The following TMEM132D variants were observed in gnomAD, a reference collection of about 807,000 sequenced individuals.
TMEM132D encodes transmembrane protein 132D, also known as mature OL transmembrane protein.
A neutral mutation model predicts 62.3 loss-of-function variants in TMEM132D; 21 were observed. That is an observed-to-expected ratio of 0.34 (90% confidence interval 0.24 to 0.49). The LOEUF is 0.49. TMEM132D is among the 20% of genes least tolerant of loss of function. The pLI is 0.99. For missense variants in TMEM132D, 1,346 were observed against 1,402.8 expected (o/e 0.96, Z 0.65); for synonymous variants, 621 against 575.6 (o/e 1.08, Z -1.13).
chr12:129,481,584 A>G (rs555333995), intron 3 of TMEM132D, among the ~76,000 whole-genome samples: 20 of 152,356 alleles, frequency 1.3e-4, no homozygotes, highest in Admixed American at 3.3e-4. Context: ...AAGATTTTCA[A>G]TCTTACTAAT....
At chr12:129,338,273 G>T (rs895682078) in intron 3 of TMEM132D, among the ~76,000 whole-genome samples, 2 of 152,182 alleles carry the variant, frequency 1.3e-5, no homozygotes, top group African/African-American at 4.8e-5. Context: ...TGACACAGTT[G>T]TGTTATTGGC....
At chr12:129,539,080 G>A (rs981491938) in intron 2 of TMEM132D, among the ~76,000 whole-genome samples, 11 of 152,160 alleles carry the variant, frequency 7.2e-5, no homozygotes, top group Non-Finnish European at 1.3e-4. Context: ...GACCATGTGG[G>A]TGACAAGGGG....
At chr12:129,639,023 G>C (rs772710485) in intron 2 of TMEM132D, among the ~76,000 whole-genome samples, 19 of 152,098 alleles carry the variant, frequency 1.2e-4, no homozygotes, top group Non-Finnish European at 2.6e-4. Context: ...AAGGTCAACT[G>C]GAAATGGACT....
chr12:129,510,531 C>A (rs562077452), intron 3 of TMEM132D, among the ~76,000 whole-genome samples: 1 of 152,144 alleles, frequency 6.6e-6, no homozygotes, highest in Non-Finnish European at 1.5e-5. Context: ...CCTAAGAAAT[C>A]TTTGCCCAGA....
chr12:129,319,747 G>A (rs1868619395), intron 4 of TMEM132D, among the ~76,000 whole-genome samples: 1 of 152,210 alleles, frequency 6.6e-6, no homozygotes, highest in Non-Finnish European at 1.5e-5. Context: ...CATTGTCCCA[G>A]AACCCTTGGT....
At position 129,160,354 on chromosome 12, in the gene TMEM132D, T is replaced by C. The variant is rs372253907; in HGVS notation, c.1443+49166A>G. Among the ~76,000 whole-genome samples the C allele has an allele frequency of 2.1e-3, 317 of 152,348 alleles. 11 individuals carry two copies. The South Asian group carries it at 0.062, about 30-fold the overall frequency. ...TCACCAATCACTAAATCCCATTCCA[T>C]CTGGTTGCACTGATTGGTTCAGAGA... On this transcript the variant is annotated intron_variant, in intron 5 of 8. Transcript: ENST00000422113.
chr12:129,511,425 A>G (rs1875493264), intron 3 of TMEM132D, among the ~76,000 whole-genome samples: 1 of 152,196 alleles, frequency 6.6e-6, no homozygotes, highest in African/African-American at 2.4e-5. Flanking sequence ...TTGTTCATCA[A>G]TTCACCTGCT....
rs377169275 is a variant in TMEM132D, at chr12:129,501,253, C to T, written c.1115+29806G>A. The stretch of plus-strand genomic sequence containing the variant: ...ATCCCCTCAGATTAGAAAAAGGAGG[C>T]GGGAGAGAGAGAAATGGAAGTTTAC... On this transcript the variant is annotated intron_variant, in intron 3 of 8. Transcript: ENST00000422113. Among the ~76,000 whole-genome samples, 11 of 151,908 alleles carry T rather than the reference C, an allele frequency of 7.2e-5. 1 individual carries two copies. Among genetic ancestry groups the T allele is most frequent in the South Asian group, 6.2e-4 (3 of 4,822 alleles).
At chr12:129,141,959 C>T (rs965575628) in intron 5 of TMEM132D, among the ~76,000 whole-genome samples, 23 of 148,604 alleles carry the variant, frequency 1.5e-4, no homozygotes, top group African/African-American at 5.4e-4. Context: ...AACTCTAATA[C>T]TTTATATATT....
At chr12:129,510,486 G>A (rs144829273) in intron 3 of TMEM132D, among the ~76,000 whole-genome samples, 5 of 152,188 alleles carry the variant, frequency 3.3e-5, no homozygotes, top group African/African-American at 9.6e-5. Flanking sequence ...CTATCTGTCC[G>A]TGTTTGCTTT....
intron 4 of TMEM132D, among the ~76,000 whole-genome samples, chr12:129,259,546 A>G (rs1446020631): frequency 6.6e-6 from 1 of 152,158 alleles, no homozygotes; most frequent in Admixed American, 6.5e-5. Flanking sequence ...TGTGTTTTTA[A>G]TCTTAGTGGC....
Position 129,209,827 on chromosome 12 carries a change from A to G in TMEM132D, c.1300-164T>C, listed in dbSNP as rs577924800. 1.0e-4 allele frequency: 92 copies of G among 910,254 alleles called. No individual in the cohort carries two copies. In the African/African-American group the frequency reaches 1.3e-3, roughly 13 times the overall value. 56.4% of individuals were successfully genotyped at this position (910,254 alleles called of 1,614,324 possible). ...CACCAGCTGGCTGACCGTGGCAGCC[A>G]TGAGATAATGTTCTGTCCTCACCCA... On this transcript the variant is annotated intron_variant, in intron 4 of 8. Transcript: ENST00000422113.
intron 5 of TMEM132D, among the ~76,000 whole-genome samples, chr12:129,184,392 T>C (rs1010822856): frequency 3.9e-5 from 6 of 152,236 alleles, no homozygotes; most frequent in Admixed American, 6.5e-5. Flanking sequence ...ATCCACAGGC[T>C]GTCCTTTGTG....
intron 2 of TMEM132D, among the ~76,000 whole-genome samples, chr12:129,606,604 A>G (rs1002104586): frequency 1.3e-5 from 2 of 152,164 alleles, no homozygotes; most frequent in African/African-American, 4.8e-5. Context: ...CCATCACTCC[A>G]ACCCCAATAC....
At chr12:129,327,685 A>G (rs1301358915) in intron 4 of TMEM132D, among the ~76,000 whole-genome samples, 2 of 152,150 alleles carry the variant, frequency 1.3e-5, no homozygotes, top group African/African-American at 4.8e-5. Flanking sequence ...ACTTATCTTC[A>G]CCATCCCCAT....
intron 2 of TMEM132D, among the ~76,000 whole-genome samples, chr12:129,668,088 T>C (rs1245051408): frequency 2.6e-5 from 4 of 151,414 alleles, no homozygotes; most frequent in African/African-American, 9.7e-5. Context: ...CTGGAGATTG[T>C]GACATTAGAA....
At chr12:129,409,075 C>A in intron 3 of TMEM132D, among the ~76,000 whole-genome samples, 1 of 152,036 alleles carries the variant, frequency 6.6e-6, no homozygotes, top group African/African-American at 2.4e-5. Context: ...TGGGATTACA[C>A]GCACCCACCA....
chr12:129,636,748 G>GAGAGAGAC (rs1879493145), intron 2 of TMEM132D, among the ~76,000 whole-genome samples: 1 of 150,892 alleles, frequency 6.6e-6, no homozygotes, highest in Non-Finnish European at 1.5e-5. Flanking sequence ...GAGAGAGAGA[G>GAGAGAGAC]AGAGAGAGAC....
intron 1 of TMEM132D, among the ~76,000 whole-genome samples, chr12:129,849,045 G>A (rs1236574494): frequency 2.6e-5 from 4 of 152,154 alleles, no homozygotes; most frequent in Non-Finnish European, 4.4e-5. Flanking sequence ...GACTGGAGTA[G>A]GGGCTTAGTA....
Sources: gnomAD v4.1 joint callset for allele counts (sites outside exome capture counted in the v4.1 genomes callset) on GRCh38, gnomAD v4.1.1 for gene constraint, MANE v1.5 for transcripts, NCBI Gene and HGNC (gene_info 2026-07-23, HGNC 2026-07-21) for gene names.